LTN1: variants seen among roughly 807,000 people sequenced by gnomAD.
LTN1 encodes listerin E3 ubiquitin protein ligase 1, also known as E3 ubiquitin-protein ligase listerin.
A neutral mutation model predicts 201.2 loss-of-function variants in LTN1; 88 were observed. That is an observed-to-expected ratio of 0.44 (90% CI 0.37 to 0.52). The LOEUF is 0.52. Among genes scored for constraint, LTN1 ranks in the 20% least tolerant of loss-of-function variants. The probability of loss-of-function intolerance (pLI) is 0.00; values close to 1 mark genes in which losing one functional copy is unlikely to be tolerated. For synonymous variants in LTN1, 645 were observed against 713.5 expected (o/e 0.90, Z 1.53); for missense variants, 1,752 against 2,038.7 (o/e 0.86, Z 2.71).
chr21:28,982,988 A>G (rs1190809502), intron 4 of LTN1, among the ~76,000 whole-genome samples: 1 of 152,256 alleles, frequency 6.6e-6, no homozygotes, highest in African/African-American at 2.4e-5. Flanking sequence ...ATGAAGGCAC[A>G]GAAACTTGCC....
Position 28,986,121 on chromosome 21 carries a change from C to A in LTN1, c.345+18G>T, listed in dbSNP as rs1453480910. On this transcript the variant is annotated intron_variant, in intron 3 of 29. Transcript: ENST00000361371. The surrounding 1 kb of genome is among the most constrained non-coding windows in gnomAD (Gnocchi z 4.1). ...AAAATATACAACAGAAATAAACTAG[C>A]AAAGTTTTAATACTTACAAGTGAAA... 1.4e-6 allele frequency: 2 copies of A among 1,394,146 alleles called. No individual in the cohort carries two copies. Among genetic ancestry groups the A allele is most frequent in the Non-Finnish European group, 2.0e-6 (2 of 981,850 alleles). 86.4% of individuals were successfully genotyped at this position (1,394,146 alleles called of 1,614,324 possible). A position where few individuals can be genotyped will look rare whatever the true frequency, so the allele number is the denominator to read the frequency against.
Position 28,960,942 on chromosome 21 carries a change from C to A in LTN1, c.2164-236G>T, listed in dbSNP as rs2084473608. Reference sequence around the variant, plus strand: ...TCCCAGCCATAAATATTCCCCCACCCCCCCCTTTTTTTTTTAACTTAAAAT... The same window carrying A: ...TCCCAGCCATAAATATTCCCCCACCACCCCCTTTTTTTTTTAACTTAAAAT... On this transcript the variant is annotated intron_variant, in intron 11 of 29. Coordinates refer to ENST00000361371, the MANE Select transcript of LTN1 (RefSeq NM_015565.3). 2.3e-5 allele frequency: 8 copies of A among 340,854 alleles called. No individual in the cohort carries two copies. In the East Asian group the frequency reaches 4.1e-4, roughly 17 times the overall value. 21.1% of individuals were successfully genotyped at this position (340,854 alleles called of 1,614,324 possible).
At chr21:28,974,549 C>T (rs572140705) in intron 6 of LTN1, among the ~76,000 whole-genome samples, 15 of 152,166 alleles carry the variant, frequency 9.9e-5, no homozygotes, top group Non-Finnish European at 1.3e-4. Context: ...TTTGCCCAAA[C>T]GTGGCTGTGG....
rs559498263 is a variant in LTN1 at position 28,953,224 on chromosome 21, A to G, written c.3232T>C (p.Phe1078Leu). Residue 1078 changes from phenylalanine (F) to leucine (L), a missense_variant, in exon 17 of 30, where the codon TTT becomes CTT. By Grantham distance (22) the Phe-to-Leu change is conservative. Around this residue, in one of 3 missense-constraint regions of LTN1, gnomAD observed 1,211 missense variants for 1,312.8 expected, o/e 0.92. Coordinates refer to ENST00000361371, the MANE Select transcript of LTN1 (RefSeq NM_015565.3). ...GNTSGLLQLLFNRSREHGTLW... is the reference protein window; with the variant it reads ...GNTSGLLQLLLNRSREHGTLW... ...ATTGAAAGAGATTCTTACCTGTTAAATAACAGCTGCAAAAGGCCCGACGTA... is the reference window on the plus strand; with the variant it reads ...ATTGAAAGAGATTCTTACCTGTTAAGTAACAGCTGCAAAAGGCCCGACGTA... 3 of 1,566,910 alleles carry G rather than the reference A, an allele frequency of 1.9e-6. No individual in the cohort carries two copies. The highest frequency in any genetic ancestry group is 4.5e-5 in the East Asian group (2 of 44,136).
rs892917456 is a variant in LTN1, at chr21:28,929,854, C to T, written c.*594G>A. On this transcript the variant is annotated 3_prime_UTR_variant, in exon 30 of 30. Coordinates refer to ENST00000361371, the MANE Select transcript of LTN1 (RefSeq NM_015565.3). ...TCATAACCCTTGATAAATGGAGGCACCTTAAAGTTCAGTTTAAACTCTTTT... is the reference window on the plus strand; with the variant it reads ...TCATAACCCTTGATAAATGGAGGCATCTTAAAGTTCAGTTTAAACTCTTTT... 3 of 151,996 alleles carry T rather than the reference C, an allele frequency of 2.0e-5. No individual in the cohort carries two copies. The South Asian group carries it at 6.2e-4, about 32-fold the overall frequency. 9.4% of individuals were successfully genotyped at this position (151,996 alleles called of 1,614,324 possible).
chr21:28,990,948 C>G (rs1458511675), intron 1 of LTN1, among the ~76,000 whole-genome samples: 2 of 152,002 alleles, frequency 1.3e-5, no homozygotes, highest in Admixed American at 6.6e-5. Context: ...TAAAAAAGTC[C>G]CAGCCTGGGC....
chr21:28,948,191 CAA>C (rs531979859), intron 18 of LTN1, among the ~76,000 whole-genome samples: 2,803 of 73,086 alleles, frequency 0.038, 146 homozygotes, highest in African/African-American at 0.13. Flanking sequence ...AACTCTGTTT[CAA>C]AAAAAAAAAA....
chr21:28,948,486 T>A (rs2084358939), intron 18 of LTN1, among the ~76,000 whole-genome samples: 1 of 151,814 alleles, frequency 6.6e-6, no homozygotes, highest in African/African-American at 2.4e-5. Flanking sequence ...TTAGTCAGGC[T>A]GGTCGCGAAC....
At chr21:28,972,032 TCAC>T (rs1321083272) in intron 6 of LTN1, among the ~76,000 whole-genome samples, 2 of 152,170 alleles carry the variant, frequency 1.3e-5, no homozygotes, top group African/African-American at 4.8e-5. Flanking sequence ...TGAAACTTAA[TCAC>T]CAGTGTGATA....
chr21:28,939,669 C>T (rs1025414129), intron 25 of LTN1, among the ~76,000 whole-genome samples: 1 of 152,128 alleles, frequency 6.6e-6, no homozygotes, highest in Non-Finnish European at 1.5e-5. Flanking sequence ...GCACCCTAAC[C>T]CAATCCCAGC....
At chr21:28,980,273 T>C (rs772301118) in intron 6 of LTN1, among the ~76,000 whole-genome samples, 9 of 151,776 alleles carry the variant, frequency 5.9e-5, no homozygotes, top group Non-Finnish European at 1.2e-4. Flanking sequence ...ATGAGTTAGA[T>C]ACGCTTTATC....
Position 28,966,520 on chromosome 21 carries a change from A to G in LTN1, c.1971T>C (p.Pro657=). ...LEIAKLVQKN[P]AVQFLYQKLI... The stretch of plus-strand genomic sequence containing the variant: ...GTTTCTGGTATAAAAACTGCACCGC[A>G]GGATTTTTTTGTACAAGCTTGGCTA... Residue 657 remains proline, a synonymous_variant, in exon 10 of 30, where the codon CCT becomes CCC. Transcript: ENST00000361371. The G allele has an allele frequency of 6.2e-7, 1 of 1,614,170 alleles. No individual in the cohort carries two copies. The highest frequency in any genetic ancestry group is 1.3e-5 in the African/African-American group (1 of 75,070).
At chr21:28,979,311 T>C (rs1352789204) in intron 6 of LTN1, among the ~76,000 whole-genome samples, 2 of 152,204 alleles carry the variant, frequency 1.3e-5, no homozygotes, top group African/African-American at 2.4e-5. Flanking sequence ...ATTCAGATAA[T>C]TTCTTAAGAT....
At chr21:28,988,758 G>A (rs535486473) in intron 1 of LTN1, among the ~76,000 whole-genome samples, 2 of 151,902 alleles carry the variant, frequency 1.3e-5, no homozygotes, top group African/African-American at 4.8e-5. Context: ...CTGAGATCAG[G>A]AGTTCAAGAC....
intron 6 of LTN1, among the ~76,000 whole-genome samples, chr21:28,979,555 A>C (rs1242546450): frequency 6.6e-6 from 1 of 152,218 alleles, no homozygotes; most frequent in Non-Finnish European, 1.5e-5. Flanking sequence ...CATTTATGTG[A>C]ATTAAAAACT....
At chr21:28,958,310 A>G (rs1211130478) in intron 14 of LTN1, 76 bp downstream of exon 14, 2 of 1,394,312 alleles carry the variant, frequency 1.4e-6, no homozygotes, top group Admixed American at 2.3e-5. Context: ...AGGCACTCAC[A>G]CTGATCATGG....
At chr21:28,932,168 G>GCATT (rs946752739) in intron 28 of LTN1, among the ~76,000 whole-genome samples, 3 of 152,104 alleles carry the variant, frequency 2.0e-5, no homozygotes, top group Non-Finnish European at 4.4e-5. Flanking sequence ...AGCTCAGAAG[G>GCATT]CATTCATCTG....
At chr21:28,951,864 G>T (rs1568840445) in intron 18 of LTN1, among the ~76,000 whole-genome samples, 1 of 152,098 alleles carries the variant, frequency 6.6e-6, no homozygotes, top group East Asian at 1.9e-4. Flanking sequence ...CAGTTACTCA[G>T]GAGGGTGTGG....
Position 28,932,549 on chromosome 21 carries a change from TCTA to T in LTN1, c.4988_4990del (p.Val1663del). On this transcript the variant is annotated inframe_deletion, in exon 28 of 30. Coordinates refer to ENST00000361371, the MANE Select transcript of LTN1 (RefSeq NM_015565.3). ...AGCTACTCCTACTCTTTTCCCACTT[TCTA>T]CTATTATTGAACCCAGTGGATAATT... The T allele has an allele frequency of 6.2e-7, 1 of 1,614,102 alleles. No individual in the cohort carries two copies. The highest frequency in any genetic ancestry group is 8.5e-7 in the Non-Finnish European group (1 of 1,179,954).
Sources: gnomAD v4.1 joint callset for allele counts (sites outside exome capture counted in the v4.1 genomes callset) on GRCh38, gnomAD v4.1.1 for gene constraint, gnomAD v4.1.1 regional missense constraint, Gnocchi (gnomAD v3.1) non-coding constraint, MANE v1.5 for transcripts, NCBI Gene and HGNC (gene_info 2026-07-23, HGNC 2026-07-21) for gene names.